The following PCM1 variants were observed in gnomAD, a reference collection of about 807,000 sequenced individuals.
The protein encoded by PCM1 is pericentriolar material 1.
A neutral mutation model predicts 241.9 loss-of-function variants in PCM1; 157 were observed. The observed-to-expected ratio is 0.65, with a 90% confidence interval of 0.57 to 0.74. PCM1 has a LOEUF of 0.74. Among genes scored for constraint, PCM1 ranks in the 30% least tolerant of loss-of-function variants. The pLI is 0.00. For synonymous variants in PCM1, 1,085 were observed against 784.9 expected (o/e 1.38, Z -6.39); for missense variants, 3,478 against 2,360.1 (o/e 1.47, Z -9.81).
chr8:17,935,667 C>A lies in PCM1; in HGVS notation c.57C>A (p.Asn19Lys). The change falls in exon 3 of 39, where the codon AAC becomes AAA. Residue 19 changes from asparagine to lysine, a missense_variant. By Grantham distance (94) the Asn-to-Lys change is moderately conservative. Transcript: ENST00000325083. ...EDGMNDQDLPNWSNENVDDRL... is the reference protein window; with the variant it reads ...EDGMNDQDLPKWSNENVDDRL... The stretch of plus-strand genomic sequence containing the variant: ...GCATGAATGATCAGGATTTACCAAA[C>A]TGGAGTAATGAGAATGTTGATGACA... The A allele has an allele frequency of 6.4e-7, 1 of 1,551,696 alleles. No homozygotes were observed. The highest frequency in any genetic ancestry group is 8.9e-7 in the Non-Finnish European group (1 of 1,123,480).
At chr8:17,951,819 T>C (rs1283225517) in intron 8 of PCM1, among the ~76,000 whole-genome samples, 1 of 152,130 alleles carries the variant, frequency 6.6e-6, no homozygotes, top group African/African-American at 2.4e-5. Context: ...CTTAAAATAA[T>C]TGATGCAAAT....
chr8:17,983,313 G>A, intron 24 of PCM1: 1 of 1,310,724 alleles, frequency 7.6e-7, no homozygotes, highest in Non-Finnish European at 1.0e-6. Context: ...TAGTTTTGGT[G>A]TCCACTTTTT....
chr8:18,009,768 T>G (rs1299748810), intron 31 of PCM1, 24 bp downstream of exon 31: 1 of 1,326,524 alleles, frequency 7.5e-7, no homozygotes, highest in South Asian at 2.0e-5. Context: ...ATTTTGATTT[T>G]TAGGATAATT....
At chr8:17,945,869 T>G (rs1314803684) in intron 6 of PCM1, among the ~76,000 whole-genome samples, 1 of 152,094 alleles carries the variant, frequency 6.6e-6, no homozygotes, top group East Asian at 1.9e-4. Flanking sequence ...CCGACAAAAA[T>G]TTGTTAGCAG....
intron 2 of PCM1, among the ~76,000 whole-genome samples, chr8:17,928,314 A>G (rs891629320): frequency 6.6e-6 from 1 of 152,150 alleles, no homozygotes; most frequent in Non-Finnish European, 1.5e-5. Flanking sequence ...GCCCACGGTC[A>G]TTCTCCATTC....
At chr8:17,936,569 A>G (rs2129449172) in intron 3 of PCM1, among the ~76,000 whole-genome samples, 1 of 152,268 alleles carries the variant, frequency 6.6e-6, no homozygotes, top group African/African-American at 2.4e-5. Context: ...AGCTGTCTTT[A>G]TTGCTTACTA....
rs1161399176 is a variant in PCM1 at position 17,983,999 on chromosome 8, T to A, written c.4109-1448T>A. On this transcript the variant is annotated intron_variant, in intron 24 of 38. Coordinates refer to ENST00000325083, the MANE Select transcript of PCM1 (RefSeq NM_006197.4). ...AAAACAAGATGGAATTAGAGAAACCTGATTAAGATTAGGGATTTTTCCAGC... is the reference window on the plus strand; with the variant it reads ...AAAACAAGATGGAATTAGAGAAACCAGATTAAGATTAGGGATTTTTCCAGC... Among the ~76,000 whole-genome samples, 3 of 152,192 alleles carry A rather than the reference T, an allele frequency of 2.0e-5. No individual in the cohort carries two copies. The South Asian group carries it at 6.2e-4, about 32-fold the overall frequency.
At chr8:18,014,110 A>AAAC (rs1554770347) in intron 35 of PCM1, 74 bp downstream of exon 35, 167 of 776,938 alleles carry the variant, frequency 2.1e-4, no homozygotes, top group African/African-American at 1.9e-3. Flanking sequence ...AAAAAAAAAA[A>AAAC]ACACACACAG....
intron 9 of PCM1, among the ~76,000 whole-genome samples, chr8:17,954,256 C>T (rs942519688): frequency 1.1e-4 from 17 of 152,100 alleles, no homozygotes; most frequent in South Asian, 8.3e-4. Flanking sequence ...GGAGAAACCC[C>T]GTCTCTACTA....
At chr8:17,999,273 C>T (rs543965912) in intron 29 of PCM1, among the ~76,000 whole-genome samples, 135 of 152,228 alleles carry the variant, frequency 8.9e-4, no homozygotes, top group South Asian at 1.9e-3. Flanking sequence ...GAAGCCAGAA[C>T]ATCTCTGAGT....
At chr8:17,961,665 G>C (rs1045098796) in intron 15 of PCM1, among the ~76,000 whole-genome samples, 1 of 152,098 alleles carries the variant, frequency 6.6e-6, no homozygotes, top group Non-Finnish European at 1.5e-5. Flanking sequence ...GGAAAACAGG[G>C]CAACTGTGTT....
chr8:17,973,188 A>C (rs1229191935), intron 23 of PCM1, among the ~76,000 whole-genome samples: 1 of 152,162 alleles, frequency 6.6e-6, no homozygotes, highest in Non-Finnish European at 1.5e-5. Flanking sequence ...TTGCCATTGA[A>C]TGTCATATTA....
intron 23 of PCM1, among the ~76,000 whole-genome samples, chr8:17,976,157 G>A (rs930372040): frequency 1.3e-5 from 2 of 152,168 alleles, no homozygotes; most frequent in Admixed American, 6.5e-5. Flanking sequence ...GGCAAGGCCT[G>A]ACAGATTTGG....
intron 36 of PCM1, among the ~76,000 whole-genome samples, chr8:18,021,418 G>GT (rs2093743999): frequency 6.6e-6 from 1 of 152,206 alleles, no homozygotes; most frequent in African/African-American, 2.4e-5. Flanking sequence ...ATTTCATTCA[G>GT]TTGCCACCCT....
Position 17,937,349 on chromosome 8 carries a change from A to G in PCM1, c.312A>G (p.Lys104=), listed in dbSNP as rs759326621. 1 of 1,603,626 alleles carries G rather than the reference A, an allele frequency of 6.2e-7. No homozygotes were observed. Among genetic ancestry groups the G allele is most frequent in the Non-Finnish European group, 8.5e-7 (1 of 1,175,304 alleles). The change falls in exon 4 of 39, where the codon AAA becomes AAG. Residue 104 remains lysine (K), a synonymous_variant. Coordinates refer to ENST00000325083, the MANE Select transcript of PCM1 (RefSeq NM_006197.4). ...AGCAGGCAGAATTAGAGAAACTGAA[A>G]CAGCGGATAAACTTCAGTGATTTAG... ...VPEQAELEKL[K]QRINFSDLDQ...
chr8:18,026,538 C>T (rs1051823215), intron 38 of PCM1, among the ~76,000 whole-genome samples: 1 of 151,652 alleles, frequency 6.6e-6, no homozygotes, highest in African/African-American at 2.4e-5. Context: ...AGATTACAGG[C>T]GTGAACCACC....
chr8:17,960,533 C>CTTT lies in PCM1; in HGVS notation c.2322+96_2322+98dup, dbSNP rs57224845. The CTTT allele has an allele frequency of 4.1e-4, 245 of 604,482 alleles. 9 individuals carry two copies. Among genetic ancestry groups the CTTT allele is most frequent in the Admixed American group, 2.1e-3 (57 of 26,586 alleles). 37.4% of individuals were successfully genotyped at this position (604,482 alleles called of 1,614,324 possible). A position where few individuals can be genotyped will look rare whatever the true frequency, so the allele number is the denominator to read the frequency against. On this transcript the variant is annotated intron_variant, in intron 15 of 38. Coordinates refer to ENST00000325083, the MANE Select transcript of PCM1 (RefSeq NM_006197.4). ...AGTACTCTTTTTTGTTTTTGTTTTT[C>CTTT]TTTTTTTTTGAGGCAGAGTCTCACT...
intron 2 of PCM1, among the ~76,000 whole-genome samples, chr8:17,931,486 G>T (rs551809773): frequency 6.6e-6 from 1 of 151,916 alleles, no homozygotes; most frequent in African/African-American, 2.4e-5. Context: ...ATAGGATTTC[G>T]TTATGTTGGC....
At chr8:17,939,253 A>G (rs926803458) in intron 5 of PCM1, among the ~76,000 whole-genome samples, 4 of 152,174 alleles carry the variant, frequency 2.6e-5, no homozygotes, top group Non-Finnish European at 4.4e-5. Context: ...AAAATAGCAT[A>G]TTGCCAGTTT....
Sources: allele counts gnomAD v4.1 joint callset (sites outside exome capture counted in the v4.1 genomes callset), GRCh38; gene constraint gnomAD v4.1.1; transcripts MANE v1.5; gene names NCBI Gene and HGNC (gene_info 2026-07-23, HGNC 2026-07-21).